Variants in RNF130 observed in about 807,000 individuals in gnomAD.
The protein encoded by RNF130 is ring finger protein 130.
Under a neutral mutation model 44.6 loss-of-function variants are expected in RNF130, and 21 were observed. The observed-to-expected ratio is 0.47, with a 90% confidence interval of 0.33 to 0.68. The LOEUF is 0.68. Ranked by LOEUF, RNF130 falls within the 30% of genes least tolerant of loss-of-function variation. The pLI, the probability that RNF130 is intolerant of heterozygous loss-of-function variation, is 0.02. For synonymous variants in RNF130, 214 were observed against 210.4 expected (o/e 1.02, Z -0.15); for missense variants, 479 against 560.6 (o/e 0.85, Z 1.47).
intron 5 of RNF130, among the ~76,000 whole-genome samples, chr5:179,973,814 G>A (rs1330327170): frequency 6.6e-6 from 1 of 152,106 alleles, no homozygotes; most frequent in African/African-American, 2.4e-5. Context: ...GTGGTGCATC[G>A]GGACGGAAAG....
chr5:179,946,869 T>C (rs1762050674), intron 7 of RNF130, among the ~76,000 whole-genome samples: 1 of 152,184 alleles, frequency 6.6e-6, no homozygotes, highest in Non-Finnish European at 1.5e-5. Context: ...GGGGATCTTT[T>C]CATCAGCTGG....
intron 7 of RNF130, among the ~76,000 whole-genome samples, chr5:179,941,762 G>C (rs1317819429): frequency 6.6e-6 from 1 of 151,920 alleles, no homozygotes. Context: ...CATATTTCTA[G>C]TTCTTCTTGA....
chr5:180,023,515 A>C (rs1039302546), intron 2 of RNF130, among the ~76,000 whole-genome samples: 2 of 152,196 alleles, frequency 1.3e-5, no homozygotes, highest in Non-Finnish European at 2.9e-5. Context: ...GAAAGTAAGA[A>C]AGTGCTCAAA....
intron 2 of RNF130, among the ~76,000 whole-genome samples, chr5:180,028,616 T>C (rs1022825817): frequency 2.6e-5 from 4 of 152,180 alleles, no homozygotes; most frequent in African/African-American, 9.7e-5. Context: ...GTATGCAAAG[T>C]TATGCACTGA....
At chr5:179,970,270 T>A (rs1225509028) in intron 6 of RNF130, 140 bp downstream of exon 6, 2 of 581,632 alleles carry the variant, frequency 3.4e-6, no homozygotes, top group Non-Finnish European at 5.9e-6. Context: ...CTGTTGGGCT[T>A]ACATGGTTAC....
At chr5:180,021,738 C>A (rs962166239) in intron 2 of RNF130, among the ~76,000 whole-genome samples, 3 of 152,018 alleles carry the variant, frequency 2.0e-5, no homozygotes, top group Admixed American at 2.0e-4. Flanking sequence ...GCCTCATCAC[C>A]CCCGAATATG....
intron 8 of RNF130, among the ~76,000 whole-genome samples, chr5:179,958,070 G>C (rs945347156): frequency 2.0e-5 from 3 of 151,910 alleles, no homozygotes; most frequent in Admixed American, 2.0e-4. Context: ...GTAGAGACGG[G>C]GTTTCACTGT....
chr5:180,003,939 T>TG (rs1669838419), intron 3 of RNF130, among the ~76,000 whole-genome samples: 1 of 152,248 alleles, frequency 6.6e-6, no homozygotes, highest in Non-Finnish European at 1.5e-5. Context: ...GTACATACCA[T>TG]GTGCTAGGTA....
At chr5:179,975,308 G>A (rs1340194767) in intron 5 of RNF130, among the ~76,000 whole-genome samples, 1 of 152,208 alleles carries the variant, frequency 6.6e-6, no homozygotes, top group Non-Finnish European at 1.5e-5. Flanking sequence ...GCCATCCTCA[G>A]CTCAGCGGTT....
Position 179,977,778 on chromosome 5 carries a change from G to A in RNF130, c.848+425C>T, listed in dbSNP as rs1762747664. Reference sequence around the variant, plus strand: ...GAGGCAGGAGAATGGCATGAACCCAGGAGGCGGAGCTTGCAGTGAGCCGAG... The same window carrying A: ...GAGGCAGGAGAATGGCATGAACCCAAGAGGCGGAGCTTGCAGTGAGCCGAG... On this transcript the variant is annotated intron_variant, in intron 5 of 8. Coordinates refer to ENST00000521389, the MANE Select transcript of RNF130 (RefSeq NM_018434.6). The surrounding 1 kb of genome is among the most constrained non-coding windows in gnomAD (Gnocchi z 4.1). Among the ~76,000 whole-genome samples, 1 of 152,232 alleles carries A rather than the reference G, an allele frequency of 6.6e-6. No individual in the cohort carries two copies. The highest frequency in any genetic ancestry group is 6.5e-5 in the Admixed American group (1 of 15,290).
chr5:179,978,457 T>A (rs1762764394), intron 4 of RNF130, among the ~76,000 whole-genome samples, 172 bp from the exon 5 acceptor site: 1 of 152,252 alleles, frequency 6.6e-6, no homozygotes, highest in South Asian at 2.1e-4. Context: ...GCCCAAATTA[T>A]GTCTAAGTCA....
At chr5:179,955,758 C>A in intron 8 of RNF130, 89 bp from the exon 9 acceptor site, 1 of 1,070,612 alleles carries the variant, frequency 9.3e-7, no homozygotes, top group South Asian at 1.7e-5. Context: ...TGAAGGGTGG[C>A]CTGGCTGTCC....
At position 179,933,398 on chromosome 5, in the gene RNF130, TTGTGTG is replaced by T. The variant is rs71001060; in HGVS notation, c.1151-12978_1151-12973del. On this transcript the variant is annotated intron_variant, in intron 7 of 7. Coordinates refer to the RNF130 transcript ENST00000522208. The stretch of plus-strand genomic sequence containing the variant: ...ACTAACAATGTTCTCATAACCCTAT[TTGTGTG>T]TGTGTGTGTGTGTGTGTGAGTGTGT... 3.3e-4 allele frequency among the ~76,000 whole-genome samples: 48 copies of T among 143,502 alleles called. 1 individual carries two copies. The highest frequency in any genetic ancestry group is 1.2e-3 in the African/African-American group (46 of 38,376). 94.1% of individuals were successfully genotyped at this position (143,502 alleles called of 152,430 possible).
chr5:179,960,063 ATATT>A (rs755898829), intron 8 of RNF130, among the ~76,000 whole-genome samples: 9 of 152,158 alleles, frequency 5.9e-5, no homozygotes, highest in Admixed American at 1.3e-4. Flanking sequence ...AATAATAAAA[ATATT>A]TATTTTTCTT....
chr5:180,005,876 T>C (rs777903444), intron 3 of RNF130, among the ~76,000 whole-genome samples: 11 of 152,170 alleles, frequency 7.2e-5, no homozygotes, highest in Non-Finnish European at 1.6e-4. Context: ...CCAGGCCCCA[T>C]GCTAAACCCC....
At chr5:179,970,540 CA>C in intron 5 of RNF130, 34 bp from the exon 6 acceptor site, 1 of 1,526,790 alleles carries the variant, frequency 6.5e-7, no homozygotes, top group Non-Finnish European at 9.0e-7. Context: ...TCACAAGTTA[CA>C]TACCAAGAAA....
chr5:179,995,419 G>A (rs142734510), intron 3 of RNF130, among the ~76,000 whole-genome samples: 10 of 152,268 alleles, frequency 6.6e-5, no homozygotes, highest in Admixed American at 1.3e-4. Flanking sequence ...TATCATTTCT[G>A]GCTGTGTGGG....
At chr5:179,993,371 C>T (rs182255502) in intron 3 of RNF130, among the ~76,000 whole-genome samples, 118 of 152,330 alleles carry the variant, frequency 7.7e-4, no homozygotes, top group Admixed American at 2.0e-3. Context: ...TTCTCCACAT[C>T]CTCTCCAGCA....
intron 7 of RNF130, among the ~76,000 whole-genome samples, chr5:179,931,020 A>C (rs1761799753): frequency 7.0e-6 from 1 of 143,122 alleles, no homozygotes; most frequent in African/African-American, 2.6e-5. Flanking sequence ...GCTGCAGACC[A>C]AACCTCTGTC....
Sources: gnomAD v4.1 joint callset for allele counts (sites outside exome capture counted in the v4.1 genomes callset) on GRCh38, gnomAD v4.1.1 for gene constraint, Gnocchi (gnomAD v3.1) non-coding constraint, MANE v1.5 for transcripts, NCBI Gene and HGNC (gene_info 2026-07-23, HGNC 2026-07-21) for gene names.